The following RABGAP1 variants were observed in gnomAD, a reference collection of about 807,000 sequenced individuals.
The protein encoded by RABGAP1 is RAB GTPase activating protein 1, also known as rab GTPase-activating protein 1.
Under a neutral mutation model 137.6 loss-of-function variants are expected in RABGAP1, and 23 were observed. The observed-to-expected ratio is 0.17, with a 90% CI of 0.12 to 0.24. The LOEUF (loss-of-function observed/expected upper bound fraction) is 0.24. Among genes scored for constraint, RABGAP1 ranks in the 10% least tolerant of loss-of-function variants. The pLI is 1.00. For synonymous variants in RABGAP1, 451 were observed against 450.7 expected (o/e 1.00, Z -0.01); for missense variants, 906 against 1,275.8 (o/e 0.71, Z 4.42).
intron 21 of RABGAP1, among the ~76,000 whole-genome samples, chr9:123,091,029 T>C (rs541735199): frequency 2.0e-5 from 3 of 152,248 alleles, no homozygotes; most frequent in Admixed American, 1.3e-4. Context: ...GTTTGAGGCT[T>C]ATGGCCCTAC....
chr9:123,029,331 C>A, intron 13 of RABGAP1: 13 of 664,370 alleles, frequency 2.0e-5, no homozygotes, highest in Non-Finnish European at 2.6e-5. Flanking sequence ...TTTTTTTTTA[C>A]TTAATAAAGT....
chr9:122,953,758 A>G (rs1317038397), intron 1 of RABGAP1, among the ~76,000 whole-genome samples: 1 of 152,198 alleles, frequency 6.6e-6, no homozygotes, highest in Non-Finnish European at 1.5e-5. Context: ...CAGCATCACA[A>G]ATATGACCTC....
At chr9:122,957,920 A>G (rs887157489) in intron 2 of RABGAP1, among the ~76,000 whole-genome samples, 2 of 143,006 alleles carry the variant, frequency 1.4e-5, no homozygotes, top group Non-Finnish European at 3.1e-5. Flanking sequence ...CATCCATTTT[A>G]TTTTATTTTG....
chr9:123,061,082 A>G (rs1033028145), intron 13 of RABGAP1, among the ~76,000 whole-genome samples: 3 of 152,182 alleles, frequency 2.0e-5, no homozygotes, highest in African/African-American at 4.8e-5. Context: ...GGCCAGGTTC[A>G]GTTTGCCTCT....
At chr9:123,021,429 T>C (rs1314958497) in intron 13 of RABGAP1, among the ~76,000 whole-genome samples, 1 of 148,730 alleles carries the variant, frequency 6.7e-6, no homozygotes, top group East Asian at 2.0e-4. Flanking sequence ...CTTTAAGCAA[T>C]TGTTGTGCCT....
intron 1 of RABGAP1, among the ~76,000 whole-genome samples, chr9:122,948,042 A>AACACACACACACACACACAC (rs55683114): frequency 6.9e-6 from 1 of 145,958 alleles, no homozygotes; most frequent in East Asian, 2.0e-4. Context: ...GAGCCAGGAA[A>AACACACACACACACACACAC]ACACACACAC....
chr9:123,022,878 T>TG (rs1222989843), intron 13 of RABGAP1, among the ~76,000 whole-genome samples: 1 of 152,168 alleles, frequency 6.6e-6, no homozygotes, highest in Non-Finnish European at 1.5e-5. Context: ...TATCATTGTG[T>TG]GGGAATGGTA....
chr9:122,976,250 T>C (rs772920621), intron 2 of RABGAP1, among the ~76,000 whole-genome samples: 1 of 152,240 alleles, frequency 6.6e-6, no homozygotes, highest in African/African-American at 2.4e-5. Context: ...CCTAAAGAAC[T>C]GTTCCTTTTA....
At chr9:122,948,314 A>T (rs1233898465) in intron 1 of RABGAP1, among the ~76,000 whole-genome samples, 1 of 152,126 alleles carries the variant, frequency 6.6e-6, no homozygotes, top group Non-Finnish European at 1.5e-5. Context: ...TTGGGAGAGG[A>T]TGGAGATAGG....
At chr9:122,951,411 T>C (rs1047982222) in intron 1 of RABGAP1, among the ~76,000 whole-genome samples, 6 of 150,676 alleles carry the variant, frequency 4.0e-5, no homozygotes, top group South Asian at 2.1e-4. Context: ...TAGTACTCTG[T>C]CTCAAAAAAA....
chr9:122,973,941 C>T (rs561856005), intron 2 of RABGAP1, among the ~76,000 whole-genome samples: 14 of 151,164 alleles, frequency 9.3e-5, no homozygotes, highest in Admixed American at 7.3e-4. Context: ...ACCCGGGAGG[C>T]GGAGGTTGCA....
chr9:123,051,840 G>A (rs2033491028), intron 13 of RABGAP1, among the ~76,000 whole-genome samples: 1 of 151,358 alleles, frequency 6.6e-6, no homozygotes, highest in African/African-American at 2.4e-5. Flanking sequence ...CATCCAGGAT[G>A]GAGTGCAGTG....
In RABGAP1 at chr9:123,035,257, C is replaced by T. The variant is rs999045682; in HGVS notation, c.1794+14798C>T. The T allele has an allele frequency of 9.3e-6, 15 of 1,613,998 alleles. No individual in the cohort carries two copies. Among genetic ancestry groups the T allele is most frequent in the Middle Eastern group, 1.6e-4 (1 of 6,082 alleles). The stretch of plus-strand genomic sequence containing the variant: ...AAAGGATATCAGCGAAAGGCAAGCC[C>T]GCTTCAGCAGCCAGAGTGGGGAGAC... On this transcript the variant is annotated intron_variant, in intron 13 of 25. Coordinates refer to ENST00000373647, the MANE Select transcript of RABGAP1 (RefSeq NM_012197.4).
intron 1 of RABGAP1, among the ~76,000 whole-genome samples, chr9:122,955,935 T>A (rs1834492847): frequency 6.6e-6 from 1 of 152,222 alleles, no homozygotes; most frequent in Non-Finnish European, 1.5e-5. Context: ...AGTATAACGT[T>A]ATATCGTTTT....
intron 13 of RABGAP1, among the ~76,000 whole-genome samples, chr9:123,061,633 T>C (rs1030717281): frequency 6.6e-6 from 1 of 152,204 alleles, no homozygotes; most frequent in Admixed American, 6.5e-5. Flanking sequence ...AAATTAAGGG[T>C]GTTTTTCTTG....
At chr9:122,991,427 G>GCA (rs1836714657) in intron 6 of RABGAP1, among the ~76,000 whole-genome samples, 1 of 152,104 alleles carries the variant, frequency 6.6e-6, no homozygotes, top group African/African-American at 2.4e-5. Context: ...TAAGCACAGT[G>GCA]ATTGGTTTAT....
intron 2 of RABGAP1, among the ~76,000 whole-genome samples, chr9:122,978,152 G>C (rs1835861798): frequency 6.6e-6 from 1 of 152,118 alleles, no homozygotes; most frequent in African/African-American, 2.4e-5. Context: ...ACTCCCAAAA[G>C]TCCCCTCGTG....
At chr9:123,015,672 T>G in intron 12 of RABGAP1, 36 bp downstream of exon 12, 2 of 1,450,048 alleles carry the variant, frequency 1.4e-6, no homozygotes, top group Non-Finnish European at 1.9e-6. Flanking sequence ...TTATCTGCAA[T>G]TTTCATTTTA....
intron 13 of RABGAP1, among the ~76,000 whole-genome samples, chr9:123,045,733 T>G (rs2033176889): frequency 1.3e-5 from 2 of 152,100 alleles, no homozygotes; most frequent in Admixed American, 6.5e-5. Flanking sequence ...CTTGGATCAT[T>G]TTTTTCCTCT....
Sources: allele counts gnomAD v4.1 joint callset (sites outside exome capture counted in the v4.1 genomes callset), GRCh38; gene constraint gnomAD v4.1.1; transcripts MANE v1.5; gene names NCBI Gene and HGNC (gene_info 2026-07-23, HGNC 2026-07-21).